The following ADD3 variants were observed in gnomAD, a reference collection of about 807,000 sequenced individuals.
The protein encoded by ADD3 is gamma-adducin.
Under a neutral mutation model 80.2 loss-of-function variants are expected in ADD3, and 25 were observed. The observed-to-expected ratio is 0.31, with a 90% CI of 0.23 to 0.44. The LOEUF (loss-of-function observed/expected upper bound fraction) is 0.44, where lower values mean the gene tolerates loss of function less well. Among genes scored for constraint, ADD3 ranks in the 20% least tolerant of loss-of-function variants. The pLI, the probability that ADD3 is intolerant of heterozygous loss-of-function variation, is 1.00. For missense variants in ADD3, 829 were observed against 847.5 expected (o/e 0.98, Z 0.27); for synonymous variants, 284 against 289.6 (o/e 0.98, Z 0.20).
At chr10:110,107,749 A>G (rs1219552786) in intron 2 of ADD3, among the ~76,000 whole-genome samples, 1 of 152,178 alleles carries the variant, frequency 6.6e-6, no homozygotes, top group Non-Finnish European at 1.5e-5. Context: ...CAATTAAATA[A>G]AATAACATAA....
At chr10:110,097,311 T>C (rs1166519155) in intron 1 of ADD3, among the ~76,000 whole-genome samples, 3 of 152,188 alleles carry the variant, frequency 2.0e-5, no homozygotes, top group Non-Finnish European at 2.9e-5. Flanking sequence ...AAAAATTCTT[T>C]GGTGAGGAAA....
chr10:110,028,347 G>A (rs1025145406), intron 1 of ADD3, among the ~76,000 whole-genome samples: 1 of 152,156 alleles, frequency 6.6e-6, no homozygotes, highest in African/African-American at 2.4e-5. Context: ...GCTGAGGTGG[G>A]TGGATCACCT....
intron 1 of ADD3, among the ~76,000 whole-genome samples, chr10:110,082,537 C>T (rs1429833102): frequency 6.6e-6 from 1 of 152,132 alleles, no homozygotes; most frequent in African/African-American, 2.4e-5. Context: ...TTACTTCTCT[C>T]CACAATTATT....
chr10:110,021,005 G>A (rs375506769), intron 1 of ADD3, among the ~76,000 whole-genome samples: 31 of 147,684 alleles, frequency 2.1e-4, no homozygotes, highest in African/African-American at 5.4e-4. Context: ...ATTATAGGCC[G>A]ACTATATAAA....
At chr10:110,052,195 G>T (rs911350860) in intron 1 of ADD3, among the ~76,000 whole-genome samples, 1 of 152,172 alleles carries the variant, frequency 6.6e-6, no homozygotes, top group African/African-American at 2.4e-5. Context: ...TTTATAGAGG[G>T]ATCTTTCATA....
chr10:110,102,126 T>G (rs1211821916), intron 2 of ADD3, among the ~76,000 whole-genome samples: 1 of 152,198 alleles, frequency 6.6e-6, no homozygotes, highest in Non-Finnish European at 1.5e-5. Flanking sequence ...TTTTTTATAG[T>G]GCCCACTTTA....
At chr10:110,130,327 T>G (rs773672926) in intron 12 of ADD3, 36 bp from the exon 13 acceptor site, 1 of 1,606,564 alleles carries the variant, frequency 6.2e-7, no homozygotes, top group African/African-American at 1.3e-5. Context: ...AGTAAAACTC[T>G]TGGTAATGAA....
chr10:110,066,008 C>T (rs745977614), intron 1 of ADD3, among the ~76,000 whole-genome samples: 26 of 152,036 alleles, frequency 1.7e-4, no homozygotes, highest in Admixed American at 4.6e-4. Context: ...GTCTTTATAG[C>T]ATCTTCCTTT....
chr10:110,039,775 A>G (rs1856071719), intron 1 of ADD3, among the ~76,000 whole-genome samples: 1 of 152,214 alleles, frequency 6.6e-6, no homozygotes, highest in African/African-American at 2.4e-5. Flanking sequence ...AGTCATTTCA[A>G]GGCTTGACTG....
At chr10:110,049,903 AAAG>A (rs1857313718) in intron 1 of ADD3, among the ~76,000 whole-genome samples, 1 of 152,064 alleles carries the variant, frequency 6.6e-6, no homozygotes, top group East Asian at 1.9e-4. Context: ...AAAAAAAAAA[AAAG>A]ATTTGACTGC....
In ADD3 at chr10:110,124,098, A is replaced by C; in HGVS notation, c.1225A>C (p.Thr409Pro). 5.6e-6 allele frequency: 9 copies of C among 1,614,178 alleles called. No homozygotes were observed. Among genetic ancestry groups the C allele is most frequent in the Non-Finnish European group, 7.6e-6 (9 of 1,180,014 alleles). Residue 409 changes from threonine to proline, a missense_variant, in exon 10 of 15, where the codon ACT becomes CCT. Coordinates refer to ENST00000356080, the MANE Select transcript of ADD3 (RefSeq NM_016824.5). ...RHKSDVEIPA[T>P]VTAFSFEDDT... ...CAAGAGTGATGTGGAAATCCCAGCAACTGTGACTGCTTTTTCCTTTGAAGA... is the reference window on the plus strand; with the variant it reads ...CAAGAGTGATGTGGAAATCCCAGCACCTGTGACTGCTTTTTCCTTTGAAGA...
At chr10:110,127,625 G>A (rs1490244182) in intron 12 of ADD3, among the ~76,000 whole-genome samples, 1 of 152,140 alleles carries the variant, frequency 6.6e-6, no homozygotes, top group African/African-American at 2.4e-5. Flanking sequence ...CAAAAAATAA[G>A]AATAACATAA....
chr10:110,121,470 T>C (rs1288423872), intron 8 of ADD3, among the ~76,000 whole-genome samples: 2 of 151,718 alleles, frequency 1.3e-5, no homozygotes, highest in African/African-American at 4.8e-5. Context: ...GCAACAAGAG[T>C]GAAACTCAGT....
Position 110,011,553 on chromosome 10 carries a change from CTG to C in ADD3, c.-30+3256_-30+3257del, listed in dbSNP as rs372546252. On this transcript the variant is annotated intron_variant, in intron 1 of 14. Transcript: ENST00000356080. ...TTTATTGAAGACACAGGTTACTAATCTGTTTCTCACACTAAACACTGTTTTTG... is the reference window on the plus strand; with the variant it reads ...TTTATTGAAGACACAGGTTACTAATCTTTCTCACACTAAACACTGTTTTTG... 1.4e-4 allele frequency among the ~76,000 whole-genome samples: 22 copies of C among 152,332 alleles called. No individual in the cohort carries two copies. The East Asian group carries it at 2.1e-3, about 15-fold the overall frequency.
chr10:110,096,819 T>C (rs1193676866), intron 1 of ADD3, among the ~76,000 whole-genome samples: 1 of 152,110 alleles, frequency 6.6e-6, no homozygotes, highest in African/African-American at 2.4e-5. Flanking sequence ...CAGGGAAGCA[T>C]GGAAGAATTC....
intron 1 of ADD3, among the ~76,000 whole-genome samples, chr10:110,094,225 TTTTC>T (rs1282711880): frequency 3.9e-5 from 6 of 152,274 alleles, no homozygotes; most frequent in Admixed American, 6.5e-5. Context: ...GATGGGTCTG[TTTTC>T]TTTCTTATAT....
chr10:110,049,673 G>T (rs2133377790), intron 1 of ADD3, among the ~76,000 whole-genome samples: 1 of 152,198 alleles, frequency 6.6e-6, no homozygotes, highest in East Asian at 1.9e-4. Context: ...AGGTCACGAG[G>T]TCAGGAGATC....
chr10:110,093,139 G>C (rs1387318474), intron 1 of ADD3, among the ~76,000 whole-genome samples: 2 of 152,152 alleles, frequency 1.3e-5, no homozygotes, highest in African/African-American at 4.8e-5. Flanking sequence ...TATTACCAGC[G>C]TGAGCCACCA....
chr10:110,080,381 A>G (rs1418948446), intron 1 of ADD3, among the ~76,000 whole-genome samples: 2 of 152,240 alleles, frequency 1.3e-5, no homozygotes, highest in Non-Finnish European at 2.9e-5. Context: ...GATAACCCAA[A>G]TTATATGAAG....
Sources: gnomAD v4.1 joint callset for allele counts (sites outside exome capture counted in the v4.1 genomes callset) on GRCh38, gnomAD v4.1.1 for gene constraint, MANE v1.5 for transcripts, NCBI Gene and HGNC (gene_info 2026-07-23, HGNC 2026-07-21) for gene names.